SORT1: variants seen among roughly 807,000 people sequenced by gnomAD.
SORT1 encodes the protein sortilin.
A neutral mutation model predicts 101.7 loss-of-function variants in SORT1; 39 were observed. That is an observed-to-expected ratio of 0.38 (90% CI 0.30 to 0.50). The LOEUF (loss-of-function observed/expected upper bound fraction) is 0.50, where lower values mean the gene tolerates loss of function less well. Ranked by LOEUF, SORT1 falls within the 20% of genes least tolerant of loss-of-function variation. The pLI, the probability that SORT1 is intolerant of heterozygous loss-of-function variation, is 0.90. For missense variants in SORT1, 878 were observed against 1,040.4 expected (o/e 0.84, Z 2.15); for synonymous variants, 396 against 393.7 (o/e 1.01, Z -0.07).
rs2101518791 is a variant in SORT1 at position 109,313,952 on chromosome 1, T to TG, written c.*90dup. 5.2e-6 allele frequency: 6 copies of TG among 1,154,104 alleles called. No homozygotes were observed. The South Asian group carries it at 7.5e-5, about 14-fold the overall frequency. 71.5% of individuals were successfully genotyped at this position (1,154,104 alleles called of 1,614,324 possible). A position where few individuals can be genotyped will look rare whatever the true frequency, so the allele number is the denominator to read the frequency against. ...AGAAACAGAGCTGGGTCCCTCGCAA[T>TG]GGGAAATTTATTTCCTGAAGTTGGA... On this transcript the variant is annotated 3_prime_UTR_variant, in exon 20 of 20. Transcript: ENST00000256637.
At chr1:109,341,675 A>C (rs561826010) in intron 9 of SORT1, among the ~76,000 whole-genome samples, 2 of 152,260 alleles carry the variant, frequency 1.3e-5, no homozygotes, top group South Asian at 4.1e-4. Context: ...TTGTCATTAG[A>C]TCCAACAGAC....
At chr1:109,388,276 T>C (rs1287720262) in intron 1 of SORT1, among the ~76,000 whole-genome samples, 1 of 152,038 alleles carries the variant, frequency 6.6e-6, no homozygotes, top group African/African-American at 2.4e-5. Flanking sequence ...CTCGCTCTGT[T>C]GCCCAGACTG....
At chr1:109,369,215 G>C (rs1375226544) in intron 2 of SORT1, among the ~76,000 whole-genome samples, 1 of 152,138 alleles carries the variant, frequency 6.6e-6, no homozygotes, top group Non-Finnish European at 1.5e-5. Context: ...CCAGCTCCTT[G>C]GGAGGCTGAG....
chr1:109,336,480 C>T (rs1368215337), intron 10 of SORT1, 134 bp from the exon 11 acceptor site: 9 of 644,504 alleles, frequency 1.4e-5, no homozygotes, highest in African/African-American at 7.2e-5. Context: ...CCTCACAAAA[C>T]GGCTCATTGT....
intron 2 of SORT1, among the ~76,000 whole-genome samples, chr1:109,368,065 G>A (rs980008669): frequency 3.9e-5 from 6 of 151,994 alleles, no homozygotes; most frequent in South Asian, 2.1e-4. Context: ...AGGCTGAGGC[G>A]GACGGATCAC....
chr1:109,323,997 C>T (rs532544060), intron 14 of SORT1, among the ~76,000 whole-genome samples: 3 of 152,192 alleles, frequency 2.0e-5, no homozygotes, highest in East Asian at 1.9e-4. Flanking sequence ...TAAATCAACA[C>T]GCTGAGGAAA....
intron 4 of SORT1, among the ~76,000 whole-genome samples, chr1:109,354,895 G>C (rs889357508): frequency 2.0e-5 from 3 of 152,118 alleles, no homozygotes; most frequent in Admixed American, 2.0e-4. Flanking sequence ...AAATAAACCT[G>C]TGTGCTCAGA....
intron 1 of SORT1, among the ~76,000 whole-genome samples, chr1:109,370,057 G>C (rs577225878): frequency 8.5e-5 from 13 of 152,206 alleles, no homozygotes; most frequent in African/African-American, 3.1e-4. Flanking sequence ...TTCTAGTCTA[G>C]CTCACTCAAA....
chr1:109,397,507 G>C, intron 1 of SORT1, 80 bp downstream of exon 1: 2 of 959,654 alleles, frequency 2.1e-6, no homozygotes, highest in Non-Finnish European at 2.5e-6. Context: ...TCCTCCGGGA[G>C]TCGCGGGGCG....
At chr1:109,322,861 C>T in intron 15 of SORT1, 71 bp downstream of exon 15, 1 of 1,270,590 alleles carries the variant, frequency 7.9e-7, no homozygotes, top group Non-Finnish European at 1.1e-6. Flanking sequence ...TTTGTTAGCC[C>T]TATAAGAAAA....
chr1:109,384,337 T>C (rs1557826058), intron 1 of SORT1, among the ~76,000 whole-genome samples: 1 of 152,164 alleles, frequency 6.6e-6, no homozygotes, highest in Non-Finnish European at 1.5e-5. Context: ...TTGTCTAATA[T>C]TAGAAATCTG....
intron 11 of SORT1, among the ~76,000 whole-genome samples, chr1:109,333,531 AATATCCAAAC>A (rs1171314181): frequency 5.3e-5 from 8 of 152,210 alleles, no homozygotes; most frequent in Non-Finnish European, 7.3e-5. Flanking sequence ...ATAAGGGGTT[AATATCCAAAC>A]AAATCAGTAG....
At chr1:109,343,847 C>T (rs1486822540) in intron 8 of SORT1, among the ~76,000 whole-genome samples, 3 of 152,080 alleles carry the variant, frequency 2.0e-5, no homozygotes, top group Admixed American at 6.6e-5. Context: ...GACAGGGTTT[C>T]GCCATGTTGG....
chr1:109,314,163 T>C, intron 19 of SORT1, 98 bp downstream of exon 19: 1 of 1,593,544 alleles, frequency 6.3e-7, no homozygotes, highest in East Asian at 2.3e-5. Context: ...TAAGTCGCCT[T>C]GGCCCTGGCA....
intron 3 of SORT1, among the ~76,000 whole-genome samples, chr1:109,362,179 T>C: frequency 6.6e-6 from 1 of 152,178 alleles, no homozygotes; most frequent in Middle Eastern, 3.2e-3. Flanking sequence ...TTAAATAAGG[T>C]ATCTTTAAAC....
chr1:109,325,800 C>T (rs188326473), intron 13 of SORT1, among the ~76,000 whole-genome samples: 313 of 151,902 alleles, frequency 2.1e-3, no homozygotes, highest in African/African-American at 6.9e-3. Flanking sequence ...CACAACAAAA[C>T]CCCGTCTCTA....
chr1:109,356,693 G>A (rs1217619609), intron 3 of SORT1, among the ~76,000 whole-genome samples: 2 of 152,202 alleles, frequency 1.3e-5, no homozygotes, highest in South Asian at 2.1e-4. Flanking sequence ...ATGAAATACA[G>A]CTAGGAAAAA....
intron 6 of SORT1, among the ~76,000 whole-genome samples, chr1:109,348,659 T>A (rs1216299663): frequency 6.6e-6 from 1 of 152,076 alleles, no homozygotes; most frequent in Non-Finnish European, 1.5e-5. Context: ...TGGCTTTTTT[T>A]TTCATTAATT....
At position 109,314,316 on chromosome 1, in the gene SORT1, GCATCCACAC is replaced by G. The variant is rs745557986; in HGVS notation, c.2417_2425del (p.Gly806_Asp808del). The G allele has an allele frequency of 6.2e-7, 1 of 1,613,620 alleles. No homozygotes were observed. Among genetic ancestry groups the G allele is most frequent in the South Asian group, 1.1e-5 (1 of 91,056 alleles). Reference sequence around the variant, plus strand: ...ATTAGTGTGGGAGGCTGTGTCCAAAGCATCCACACCATCCACACCATTGGCCTCTGCATG... The same window carrying G: ...ATTAGTGTGGGAGGCTGTGTCCAAAGCATCCACACCATTGGCCTCTGCATG... On this transcript the variant is annotated inframe_deletion, in exon 19 of 20. Coordinates refer to ENST00000256637, the MANE Select transcript of SORT1 (RefSeq NM_002959.7).
Sources: allele counts gnomAD v4.1 joint callset (sites outside exome capture counted in the v4.1 genomes callset), GRCh38; gene constraint gnomAD v4.1.1; transcripts MANE v1.5; gene names NCBI Gene and HGNC (gene_info 2026-07-23, HGNC 2026-07-21).